The following JHY variants were observed in gnomAD, a reference collection of about 807,000 sequenced individuals.
JHY encodes jhy protein homolog.
Under a neutral mutation model 78.0 loss-of-function variants are expected in JHY, and 69 were observed. The observed-to-expected ratio is 0.88, with a 90% CI of 0.73 to 1.08. JHY has a LOEUF of 1.08. JHY is among the 50% of genes least tolerant of loss of function. JHY has a pLI of 0.00. For synonymous variants in JHY, 368 were observed against 342.6 expected (o/e 1.07, Z -0.82); for missense variants, 944 against 927.8 (o/e 1.02, Z -0.23).
intron 5 of JHY, among the ~76,000 whole-genome samples, chr11:122,945,163 T>C (rs1450738381): frequency 6.6e-6 from 1 of 152,208 alleles, no homozygotes; most frequent in Non-Finnish European, 1.5e-5. Context: ...TTAACTGTTT[T>C]TATTTTACAC....
At position 122,905,601 on chromosome 11, in the gene JHY, C is replaced by T; in HGVS notation, c.864+1157C>T. ...AGAATTACGTCTGGTGGCACGTTGG[C>T]TCATGCCTGTAATCCCAGCACTTTG... On this transcript the variant is annotated intron_variant, in intron 3 of 8. Coordinates refer to ENST00000227349, the MANE Select transcript of JHY (RefSeq NM_024806.4). 3.0e-6 allele frequency: 3 copies of T among 997,218 alleles called. No individual in the cohort carries two copies. In the African/African-American group the frequency reaches 5.2e-5, roughly 17 times the overall value. 61.8% of individuals were successfully genotyped at this position (997,218 alleles called of 1,614,324 possible).
In JHY at chr11:122,898,588, T is replaced by A. The variant is rs555802482; in HGVS notation, c.345-5337T>A. On this transcript the variant is annotated intron_variant, in intron 2 of 8. Coordinates refer to ENST00000227349, the MANE Select transcript of JHY (RefSeq NM_024806.4). This position sits in a 1 kb window ranked among gnomAD's most constrained non-coding sequence, Gnocchi z 4.4. ...TCCTGAGTGAGTAGCAGAACAGTGA[T>A]CCCCAGTGTTGTCACCTGTGAAAGG... Among the ~76,000 whole-genome samples, 8 of 152,262 alleles carry A rather than the reference T, an allele frequency of 5.3e-5. No individual in the cohort carries two copies. In the East Asian group the frequency reaches 1.2e-3, roughly 22 times the overall value.
intron 3 of JHY, among the ~76,000 whole-genome samples, chr11:122,912,062 G>A (rs989237645): frequency 2.6e-5 from 4 of 151,558 alleles, no homozygotes; most frequent in South Asian, 2.1e-4. Context: ...TGGGGTGGGC[G>A]GATCACCTGA....
intron 5 of JHY, among the ~76,000 whole-genome samples, chr11:122,937,452 G>A (rs1351311814): frequency 2.0e-5 from 3 of 151,776 alleles, no homozygotes; most frequent in Non-Finnish European, 2.9e-5. Context: ...TTTCTCTTTC[G>A]AGACTTGCTT....
intron 5 of JHY, among the ~76,000 whole-genome samples, chr11:122,938,084 A>G (rs1342127504): frequency 6.6e-6 from 1 of 151,956 alleles, no homozygotes; most frequent in Non-Finnish European, 1.5e-5. Flanking sequence ...TACTGAAGTG[A>G]AATTTCATAA....
intron 5 of JHY, among the ~76,000 whole-genome samples, chr11:122,937,171 T>C (rs1191532391): frequency 6.6e-6 from 1 of 152,136 alleles, no homozygotes; most frequent in East Asian, 1.9e-4. Context: ...ATAAAGCTTT[T>C]TGTAGTATTT....
chr11:122,948,219 G>C (rs189034531), intron 6 of JHY, among the ~76,000 whole-genome samples: 57 of 151,660 alleles, frequency 3.8e-4, no homozygotes, highest in African/African-American at 1.4e-3. Flanking sequence ...TGAGGTGTGT[G>C]GATCACCTGA....
chr11:122,945,603 G>A (rs1863947155), intron 5 of JHY, among the ~76,000 whole-genome samples: 1 of 152,144 alleles, frequency 6.6e-6, no homozygotes, highest in Non-Finnish European at 1.5e-5. Flanking sequence ...CCTTTTCCGT[G>A]GAAACCTAGG....
chr11:122,910,550 C>T (rs1038337796), intron 3 of JHY, among the ~76,000 whole-genome samples: 6 of 151,718 alleles, frequency 4.0e-5, no homozygotes, highest in South Asian at 4.2e-4. Context: ...AAATTGTGGA[C>T]GGCTACAAAA....
rs144666712 is a variant in JHY, at chr11:122,935,808, T to C, written c.1634+733T>C. ...GACCTAAAAATCCAACAATAGGGAA[T>C]GTTTAGGTAAATTATGATATTTAGT... On this transcript the variant is annotated intron_variant, in intron 5 of 8. Transcript: ENST00000227349. This position sits in a 1 kb window ranked among gnomAD's most constrained non-coding sequence, Gnocchi z 4.5. Among the ~76,000 whole-genome samples, 1,166 of 152,272 alleles carry C rather than the reference T, an allele frequency of 7.7e-3. 30 individuals are homozygous for C. The highest frequency in any genetic ancestry group is 0.05 in the East Asian group (259 of 5,176).
rs1023819229 is a variant in JHY, at chr11:122,917,927, G to T, written c.865-6970G>T. 1.3e-5 allele frequency among the ~76,000 whole-genome samples: 2 copies of T among 151,672 alleles called. No homozygotes were observed. Among genetic ancestry groups the T allele is most frequent in the African/African-American group, 4.9e-5 (2 of 41,022 alleles). On this transcript the variant is annotated intron_variant, in intron 3 of 8. Transcript: ENST00000227349. The surrounding 1 kb of genome is among the most constrained non-coding windows in gnomAD (Gnocchi z 4.1). Reference sequence around the variant, plus strand: ...CTTATTTATTTATTTTGGAGACACAGTCTCACTCTGTCACCCAGGTTGGAA... The same window carrying T: ...CTTATTTATTTATTTTGGAGACACATTCTCACTCTGTCACCCAGGTTGGAA...
At chr11:122,934,307 C>T (rs1863697695) in intron 4 of JHY, 113 bp from the exon 5 acceptor site, 3 of 541,134 alleles carry the variant, frequency 5.5e-6, no homozygotes, top group Non-Finnish European at 7.5e-6. Flanking sequence ...CAGTGAGACT[C>T]CGTCTCAAAT....
chr11:122,908,331 T>G (rs570595503), intron 3 of JHY, among the ~76,000 whole-genome samples: 28 of 152,378 alleles, frequency 1.8e-4, no homozygotes, highest in African/African-American at 6.7e-4. Context: ...GTGTTACTGC[T>G]GCTGCCATCA....
At position 122,960,446 on chromosome 11, in the gene JHY, C is replaced by A. The variant is rs1864288015; in HGVS notation, c.*1001C>A. ...GGACCTTTCACACAGGGAAGCCACT[C>A]CTTGCCCCTCTACCACCTCTTCCTT... On this transcript the variant is annotated 3_prime_UTR_variant, in exon 9 of 9. Transcript: ENST00000227349. 1 of 235,742 alleles carries A rather than the reference C, an allele frequency of 4.2e-6. No homozygotes were observed. Among genetic ancestry groups the A allele is most frequent in the Admixed American group, 4.0e-5 (1 of 24,838 alleles). The allele number at this position is 235,742 out of a possible 1,614,324, so 14.6% of individuals were successfully genotyped here. A position where few individuals can be genotyped will look rare whatever the true frequency, so the allele number is the denominator to read the frequency against.
intron 5 of JHY, among the ~76,000 whole-genome samples, chr11:122,940,134 T>G (rs1185297830): frequency 6.6e-6 from 1 of 152,034 alleles, no homozygotes; most frequent in Non-Finnish European, 1.5e-5. Context: ...GGTCAGGAGT[T>G]CGAGACCAGC....
intron 3 of JHY, among the ~76,000 whole-genome samples, chr11:122,922,603 G>C (rs1383188739): frequency 6.6e-6 from 1 of 151,880 alleles, no homozygotes; most frequent in Non-Finnish European, 1.5e-5. Context: ...GAGGTCAGGA[G>C]ATAGAGACCA....
chr11:122,934,848 A>G lies in JHY; in HGVS notation c.1407A>G (p.Glu469=). The G allele has an allele frequency of 6.2e-7, 1 of 1,614,028 alleles. No homozygotes were observed. Among genetic ancestry groups the G allele is most frequent in the Non-Finnish European group, 8.5e-7 (1 of 1,180,008 alleles). The change falls in exon 5 of 9, where the codon GAA becomes GAG. Residue 469 remains glutamate, a synonymous_variant. Coordinates refer to ENST00000227349, the MANE Select transcript of JHY (RefSeq NM_024806.4). ...GCDSGLNVNK[E]RGHKDQEEKR... is the part of the protein sequence containing the mutation. ...ACTCTGGGCTGAATGTTAATAAAGA[A>G]AGAGGACACAAAGACCAAGAAGAGA... is the stretch of plus-strand genomic sequence containing the variant.
In JHY at chr11:122,940,639, C is replaced by T. The variant is rs550084588; in HGVS notation, c.1634+5564C>T. On this transcript the variant is annotated intron_variant, in intron 5 of 8. Transcript: ENST00000227349. Reference sequence around the variant, plus strand: ...CCCTTTATAAGTAATTATTAATATTCGAGACAGTGTAATTATCCTAGTTTT... The same window carrying T: ...CCCTTTATAAGTAATTATTAATATTTGAGACAGTGTAATTATCCTAGTTTT... Among the ~76,000 whole-genome samples the T allele has an allele frequency of 3.2e-4, 49 of 152,222 alleles. 1 individual carries two copies. In the South Asian group the frequency reaches 8.3e-3, roughly 26 times the overall value.
In JHY at chr11:122,934,558, C is replaced by T. The variant is rs200529319; in HGVS notation, c.1117C>T (p.Gln373Ter). The T allele has an allele frequency of 8.1e-5, 131 of 1,614,008 alleles. 1 individual carries two copies. The African/African-American group carries it at 1.7e-3, about 21-fold the overall frequency. ...KLKIRKQCKH[Q>*]NGLKSSTTEE... Reference sequence around the variant, plus strand: ...CAAGATTCGAAAGCAGTGTAAACACCAGAATGGCCTGAAGTCTTCCACAAC... The same window carrying T: ...CAAGATTCGAAAGCAGTGTAAACACTAGAATGGCCTGAAGTCTTCCACAAC... Residue 373 changes from glutamine to a stop codon, truncating the protein, a stop_gained, in exon 5 of 9, where the codon CAG (glutamine) becomes TAG (stop). Transcript: ENST00000227349. LOFTEE classifies it high-confidence loss of function.
Sources: gnomAD v4.1 joint callset for allele counts (sites outside exome capture counted in the v4.1 genomes callset) on GRCh38, gnomAD v4.1.1 for gene constraint, Gnocchi (gnomAD v3.1) non-coding constraint, MANE v1.5 for transcripts, NCBI Gene and HGNC (gene_info 2026-07-23, HGNC 2026-07-21) for gene names.